The following SOX5 variants were observed in gnomAD, a reference collection of about 807,000 sequenced individuals.
SOX5 encodes the protein SRY-box transcription factor 5.
In SOX5, 9 loss-of-function variants were observed where a neutral mutation model predicts 92.0. That is an observed-to-expected ratio of 0.10 (90% confidence interval 0.06 to 0.17). The LOEUF (loss-of-function observed/expected upper bound fraction) is 0.17. SOX5 is among the 10% of genes least tolerant of loss of function. The pLI is 1.00. For synonymous variants in SOX5, 344 were observed against 336.3 expected, an observed-to-expected ratio of 1.02 and a Z score of -0.25; for missense variants, 642 against 944.5, an observed-to-expected ratio of 0.68 and a Z score of 4.20.
At chr12:24,521,593 A>G (rs1279994342) in intron 1 of SOX5, among the ~76,000 whole-genome samples, 1 of 151,944 alleles carries the variant, frequency 6.6e-6, no homozygotes, top group Admixed American at 6.5e-5. Flanking sequence ...AAGAAAATCA[A>G]AGTCATTCAA....
Position 24,394,118 on chromosome 12 carries a change from A to G in SOX5, c.-250-25479T>C, listed in dbSNP as rs144000637. On this transcript the variant is annotated intron_variant, in intron 1 of 4. Coordinates refer to the SOX5 transcript ENST00000446891. ...TCTCGTTAGAGCTCCGAAATTCATC[A>G]GAGTGGGTTTTATCACACACAACAA... Among the ~76,000 whole-genome samples the G allele has an allele frequency of 2.6e-5, 4 of 152,286 alleles. No homozygotes were observed. The East Asian group carries it at 7.7e-4, about 29-fold the overall frequency.
chr12:23,936,113 T>A (rs1942492207), intron 1 of SOX5, among the ~76,000 whole-genome samples: 1 of 151,050 alleles, frequency 6.6e-6, no homozygotes, highest in Non-Finnish European at 1.5e-5. Context: ...ACATACTGAA[T>A]GTTAGCTCTA....
At chr12:23,692,650 C>T (rs1419110565) in intron 6 of SOX5, among the ~76,000 whole-genome samples, 2 of 152,102 alleles carry the variant, frequency 1.3e-5, no homozygotes, top group African/African-American at 4.8e-5. Flanking sequence ...TCTAAATACT[C>T]AGTGCAGAGT....
intron 1 of SOX5, among the ~76,000 whole-genome samples, chr12:24,442,948 A>AT (rs3983413): frequency 0.35 from 37,932 of 109,772 alleles, 6,654 homozygotes; most frequent in Non-Finnish European, 0.43. Context: ...TAAGTTTATA[A>AT]TTTTTTTTTT....
Position 23,546,350 on chromosome 12 carries a change from T to C in SOX5, c.1563A>G (p.Ala521=). 1 of 1,605,102 alleles carries C rather than the reference T, an allele frequency of 6.2e-7. No homozygotes were observed. The highest frequency in any genetic ancestry group is 8.5e-7 in the Non-Finnish European group (1 of 1,172,078). Reference sequence around the variant, plus strand: ...CTCCACTCAGATTGAAATCCATCATTGCATGGCTAAATTTTCCTTCTTCAT... The same window carrying C: ...CTCCACTCAGATTGAAATCCATCATCGCATGGCTAAATTTTCCTTCTTCAT... ...KQNEEGKFSH[A]MMDFNLSGDS... is the part of the protein sequence containing the mutation. The change falls in exon 12 of 15, where the codon GCA becomes GCG. Residue 521 remains alanine, a synonymous_variant. Transcript: ENST00000451604.
chr12:23,580,783 G>A (rs1197042149), intron 9 of SOX5, among the ~76,000 whole-genome samples: 1 of 151,954 alleles, frequency 6.6e-6, no homozygotes, highest in Non-Finnish European at 1.5e-5. Context: ...CCAGTTTGTG[G>A]TCACAGTAGT....
chr12:23,990,358 C>T (rs369989949), intron 4 of SOX5, among the ~76,000 whole-genome samples: 2 of 152,166 alleles, frequency 1.3e-5, no homozygotes, highest in Admixed American at 6.5e-5. Flanking sequence ...GTGTGGCAAT[C>T]AAGGACCTTG....
At chr12:24,089,950 G>C (rs1435669282) in intron 4 of SOX5, among the ~76,000 whole-genome samples, 2 of 152,114 alleles carry the variant, frequency 1.3e-5, no homozygotes, top group East Asian at 3.9e-4. Flanking sequence ...ATAGGAAATG[G>C]AAAGCAGCAT....
At chr12:24,117,626 TATCC>T (rs1265588408) in intron 4 of SOX5, among the ~76,000 whole-genome samples, 1 of 152,198 alleles carries the variant, frequency 6.6e-6, no homozygotes, top group Non-Finnish European at 1.5e-5. Context: ...AGTAGCATAC[TATCC>T]AGCGTTAGAA....
At chr12:24,115,825 C>T (rs889608337) in intron 4 of SOX5, among the ~76,000 whole-genome samples, 1 of 151,978 alleles carries the variant, frequency 6.6e-6, no homozygotes, top group South Asian at 2.1e-4. Context: ...GTTTTCAGAA[C>T]ATCATTATGT....
At position 23,891,247 on chromosome 12, in the gene SOX5, T is replaced by C. The variant is rs117579844; in HGVS notation, c.270+4546A>G. On this transcript the variant is annotated intron_variant, in intron 2 of 14. Coordinates refer to ENST00000451604, the MANE Select transcript of SOX5 (RefSeq NM_006940.6). ...CTCTTAGGCATTTGTTTCTCCAAAA[T>C]AGTGAGGCAATAAACACAATTTCAG... is the stretch of plus-strand genomic sequence containing the variant. Among the ~76,000 whole-genome samples the C allele has an allele frequency of 4.3e-3, 652 of 152,268 alleles. 9 individuals carry two copies. Among genetic ancestry groups the C allele is most frequent in the East Asian group, 0.035 (182 of 5,178 alleles).
At position 23,530,982 on chromosome 12, in the gene SOX5, GAA is replaced by G. The variant is rs1010221323; in HGVS notation, c.*3235_*3236del. 6.6e-5 allele frequency: 10 copies of G among 152,032 alleles called. No homozygotes were observed. The highest frequency in any genetic ancestry group is 3.2e-3 in the Middle Eastern group (1 of 316). 9.4% of individuals were successfully genotyped at this position (152,032 alleles called of 1,614,324 possible). On this transcript the variant is annotated 3_prime_UTR_variant, in exon 15 of 15. Coordinates refer to ENST00000451604, the MANE Select transcript of SOX5 (RefSeq NM_006940.6). Reference sequence around the variant, plus strand: ...TCTTTTTTGGTCATTATGGGGCACAGAAAAAGAATACAGGGTTTTAGGATCCT... The same window carrying G: ...TCTTTTTTGGTCATTATGGGGCACAGAAAGAATACAGGGTTTTAGGATCCT...
At chr12:24,469,570 G>A (rs1944579963) in intron 1 of SOX5, among the ~76,000 whole-genome samples, 1 of 152,152 alleles carries the variant, frequency 6.6e-6, no homozygotes, top group South Asian at 2.1e-4. Flanking sequence ...AAAACAGAGA[G>A]AACCACTTTC....
intron 4 of SOX5, among the ~76,000 whole-genome samples, chr12:24,157,300 AC>A (rs1268691654): frequency 1.3e-5 from 2 of 152,160 alleles, no homozygotes; most frequent in African/African-American, 4.8e-5. Flanking sequence ...AGAATTGCAT[AC>A]AATTATTATA....
rs1312008772 is a variant in SOX5 at position 24,171,527 on chromosome 12, AAC to A, written c.-2+41814_-2+41815del. On this transcript the variant is annotated intron_variant, in intron 4 of 4. Coordinates refer to the SOX5 transcript ENST00000446891. Reference sequence around the variant, plus strand: ...CGTGAGCCACCATGCCTGGCCAGCCAACAGACAGTTTTTAAAGTGTTGACTAT... The same window carrying A: ...CGTGAGCCACCATGCCTGGCCAGCCAAGACAGTTTTTAAAGTGTTGACTAT... Among the ~76,000 whole-genome samples, 4 of 152,082 alleles carry A rather than the reference AAC, an allele frequency of 2.6e-5. No homozygotes were observed. In the East Asian group the frequency reaches 7.7e-4, roughly 29 times the overall value.
intron 9 of SOX5, among the ~76,000 whole-genome samples, chr12:23,587,514 T>C (rs187318501): frequency 6.7e-4 from 102 of 152,244 alleles, no homozygotes; most frequent in African/African-American, 2.4e-3. Context: ...ATGTAATTTC[T>C]TTTTAATTCT....
chr12:24,182,569 CTT>C (rs750147077), intron 4 of SOX5, among the ~76,000 whole-genome samples: 2 of 146,620 alleles, frequency 1.4e-5, no homozygotes, highest in South Asian at 4.3e-4. Context: ...TATTGGGACT[CTT>C]TTTTTTTTTC....
At chr12:24,216,589 G>T (rs1290817954) in intron 3 of SOX5, among the ~76,000 whole-genome samples, 1 of 152,080 alleles carries the variant, frequency 6.6e-6, no homozygotes, top group Non-Finnish European at 1.5e-5. Flanking sequence ...TAGTCACATG[G>T]CCAATTATAT....
rs1283480977 is a variant in SOX5, at chr12:24,429,615, CACACACACAT to C, written c.-250-60986_-250-60977del. The stretch of plus-strand genomic sequence containing the variant: ...CTATTTTCCTGGAAACACACATACA[CACACACACAT>C]ACACACACACACACACACACACACA... On this transcript the variant is annotated intron_variant, in intron 1 of 4. Coordinates refer to the SOX5 transcript ENST00000446891. Among the ~76,000 whole-genome samples, 55 of 150,744 alleles carry C rather than the reference CACACACACAT, an allele frequency of 3.6e-4. 1 individual carries two copies. The highest frequency in any genetic ancestry group is 1.0e-3 in the African/African-American group (42 of 40,838).
Sources: allele counts gnomAD v4.1 joint callset (sites outside exome capture counted in the v4.1 genomes callset), GRCh38; gene constraint gnomAD v4.1.1; transcripts MANE v1.5; gene names NCBI Gene and HGNC (gene_info 2026-07-23, HGNC 2026-07-21).